Variants in ILDR1 observed in about 807,000 individuals in gnomAD.
ILDR1 encodes immunoglobulin-like domain-containing receptor 1.
ILDR1 carries 56 observed loss-of-function variants against 62.4 expected under a neutral mutation model. That is an observed-to-expected ratio of 0.90 (90% confidence interval 0.72 to 1.12). The LOEUF is 1.12. Ranked by LOEUF, ILDR1 falls within the 50% of genes most tolerant of loss-of-function variation. ILDR1 has a pLI of 0.00. For missense variants in ILDR1, 736 were observed against 710.6 expected (o/e 1.04, Z -0.41); for synonymous variants, 284 against 277.8 (o/e 1.02, Z -0.22).
the ILDR1 span, among the ~76,000 whole-genome samples, chr3:122,047,152 C>T: frequency 6.7e-6 from 1 of 148,716 alleles, no homozygotes; most frequent in Admixed American, 6.7e-5. Context: ...GGACCCTCAG[C>T]TGCAGGTCTG....
intron 1 of ILDR1, among the ~76,000 whole-genome samples, chr3:122,014,842 G>A (rs1307196196): frequency 2.0e-5 from 3 of 152,092 alleles, no homozygotes; most frequent in Non-Finnish European, 2.9e-5. Flanking sequence ...TTTGGTTACC[G>A]GGGGAGAGGC....
chr3:122,000,221 C>T (rs1206202830), intron 5 of ILDR1, among the ~76,000 whole-genome samples: 15 of 143,248 alleles, frequency 1.0e-4, no homozygotes, highest in African/African-American at 3.9e-4. Context: ...AGTCAGAAAA[C>T]GGAGATGGCA....
intron 5 of ILDR1, among the ~76,000 whole-genome samples, chr3:121,998,008 C>A (rs1474321369): frequency 6.6e-6 from 1 of 152,212 alleles, no homozygotes; most frequent in Non-Finnish European, 1.5e-5. Flanking sequence ...GAATCACTGA[C>A]ATGTTTCTTG....
chr3:122,025,665 C>A (rs142240175), upstream of ILDR1, among the ~76,000 whole-genome samples: 910 of 152,172 alleles, frequency 6.0e-3, 9 homozygotes, highest in Non-Finnish European at 5.2e-3. Flanking sequence ...ATATGTGCAT[C>A]TGTGTTAGAA....
At chr3:122,036,740 C>A in the ILDR1 span, among the ~76,000 whole-genome samples, 1 of 152,120 alleles carries the variant, frequency 6.6e-6, no homozygotes, top group African/African-American at 2.4e-5. Context: ...TGTTAATAAC[C>A]AAAACAATGG....
the ILDR1 span, among the ~76,000 whole-genome samples, chr3:122,040,737 G>GA: frequency 0.024 from 2,969 of 124,732 alleles, 37 homozygotes; most frequent in Non-Finnish European, 0.036. Flanking sequence ...AAAAAAAAAA[G>GA]AAAAAAAAAA....
chr3:122,019,124 A>T lies in ILDR1; in HGVS notation c.58+2896T>A, dbSNP rs183901073. Among the ~76,000 whole-genome samples the T allele has an allele frequency of 2.4e-3, 370 of 152,310 alleles. 2 individuals carry two copies. The highest frequency in any genetic ancestry group is 8.5e-3 in the African/African-American group (352 of 41,568). ...TAGAGTTTGGGGGATCGGCAGGGACACTAAACTTTCATTCTGAGAATAAAC... is the reference window on the plus strand; with the variant it reads ...TAGAGTTTGGGGGATCGGCAGGGACTCTAAACTTTCATTCTGAGAATAAAC... On this transcript the variant is annotated intron_variant, in intron 1 of 7. Coordinates refer to ENST00000344209, the MANE Select transcript of ILDR1 (RefSeq NM_001199799.2).
intron 1 of ILDR1, among the ~76,000 whole-genome samples, chr3:122,016,438 G>A (rs1011927728): frequency 2.0e-5 from 3 of 152,222 alleles, no homozygotes; most frequent in African/African-American, 7.2e-5. Context: ...CTAAACAAAA[G>A]AACAGATACA....
At position 121,991,185 on chromosome 3, in the gene ILDR1, C is replaced by T. The variant is rs189480247; in HGVS notation, c.1599+1965G>A. On this transcript the variant is annotated intron_variant, in intron 7 of 7. Coordinates refer to ENST00000344209, the MANE Select transcript of ILDR1 (RefSeq NM_001199799.2). ...ACTGCCCTCCAGCCTGGTGACAGAACGAGACTCTGTCTCAAAAAGAAAAAA... is the reference window on the plus strand; with the variant it reads ...ACTGCCCTCCAGCCTGGTGACAGAATGAGACTCTGTCTCAAAAAGAAAAAA... 3.5e-3 allele frequency among the ~76,000 whole-genome samples: 525 copies of T among 151,178 alleles called. 1 individual carries two copies. The highest frequency in any genetic ancestry group is 6.3e-3 in the Non-Finnish European group (427 of 67,878).
At chr3:122,012,244 A>C (rs1477993293) in intron 1 of ILDR1, among the ~76,000 whole-genome samples, 10 of 152,218 alleles carry the variant, frequency 6.6e-5, no homozygotes, top group Admixed American at 3.3e-4. Context: ...AGGATCAAAA[A>C]AGAGAAACGT....
chr3:122,060,443 T>G, the ILDR1 span, among the ~76,000 whole-genome samples: 1 of 152,106 alleles, frequency 6.6e-6, no homozygotes, highest in African/African-American at 2.4e-5. Context: ...GGAAATAATC[T>G]GGAGTCAGGC....
the ILDR1 span, among the ~76,000 whole-genome samples, chr3:122,047,263 G>C: frequency 2.6e-5 from 4 of 152,146 alleles, no homozygotes; most frequent in Non-Finnish European, 5.9e-5. Context: ...ACTTGAGAAG[G>C]CAGTCTGCCG....
chr3:122,045,683 A>T, the ILDR1 span, among the ~76,000 whole-genome samples: 19 of 151,692 alleles, frequency 1.3e-4, no homozygotes, highest in East Asian at 1.9e-3. Flanking sequence ...TGGCCTTCTT[A>T]GTCTCTTTTG....
At chr3:122,017,674 A>C (rs1576736780) in intron 1 of ILDR1, among the ~76,000 whole-genome samples, 1 of 152,370 alleles carries the variant, frequency 6.6e-6, no homozygotes, top group Non-Finnish European at 1.5e-5. Context: ...AGAATCTACA[A>C]AGAACTTAAA....
chr3:122,033,020 G>T, the ILDR1 span, among the ~76,000 whole-genome samples: 1 of 152,218 alleles, frequency 6.6e-6, no homozygotes, highest in Non-Finnish European at 1.5e-5. Flanking sequence ...AGGGTACTTT[G>T]TTATGTGGCA....
the ILDR1 span, among the ~76,000 whole-genome samples, chr3:122,043,250 G>T: frequency 7.3e-5 from 11 of 150,838 alleles, no homozygotes; most frequent in African/African-American, 2.7e-4. Context: ...ATTTCTGAGG[G>T]CTCTGTTCTG....
chr3:122,041,005 A>G, the ILDR1 span, among the ~76,000 whole-genome samples: 25 of 152,230 alleles, frequency 1.6e-4, no homozygotes, highest in Non-Finnish European at 3.1e-4. Context: ...TTTGCAAAAG[A>G]CATATTTAAT....
chr3:122,042,995 C>T, the ILDR1 span, among the ~76,000 whole-genome samples: 1 of 147,892 alleles, frequency 6.8e-6, no homozygotes, highest in South Asian at 2.2e-4. Flanking sequence ...TTGCCCATGC[C>T]TATGTCCTGA....
At chr3:122,027,112 C>T (rs1382989992), upstream of ILDR1, among the ~76,000 whole-genome samples, 5 of 152,080 alleles carry the variant, frequency 3.3e-5, no homozygotes, top group East Asian at 1.9e-4. Flanking sequence ...AATTGTAAAC[C>T]GTTACTGAAA....
Sources: allele counts gnomAD v4.1 joint callset (sites outside exome capture counted in the v4.1 genomes callset), GRCh38; gene constraint gnomAD v4.1.1; transcripts MANE v1.5; gene names NCBI Gene and HGNC (gene_info 2026-07-23, HGNC 2026-07-21).